The following CDK1 variants were observed in gnomAD, a reference collection of about 807,000 sequenced individuals.
The protein encoded by CDK1 is cyclin-dependent kinase 1.
In CDK1, 5 loss-of-function variants were observed where a neutral mutation model predicts 34.6. That is an observed-to-expected ratio of 0.14 (90% CI 0.08 to 0.30). CDK1 has a LOEUF of 0.30. Ranked by LOEUF, CDK1 falls within the 10% of genes least tolerant of loss-of-function variation. The pLI is 1.00. For synonymous variants in CDK1, 108 were observed against 114.7 expected (o/e 0.94, Z 0.37); for missense variants, 157 against 345.7 (o/e 0.45, Z 4.33).
chr10:60,778,355 C>T (rs904076090), upstream of CDK1: 2 of 152,348 alleles, frequency 1.3e-5, no homozygotes, highest in Non-Finnish European at 2.9e-5. Context: ...CTTTCTTTCG[C>T]GCTCTAGCCA....
chr10:60,788,660 GTTTT>G (rs1429650610), intron 5 of CDK1, among the ~76,000 whole-genome samples: 1 of 152,008 alleles, frequency 6.6e-6, no homozygotes, highest in Non-Finnish European at 1.5e-5. Flanking sequence ...TCAAAGACAG[GTTTT>G]GTTCCTTAAG....
chr10:60,784,632 G>C, intron 2 of CDK1, 73 bp from the exon 3 acceptor site: 1 of 1,308,588 alleles, frequency 7.6e-7, no homozygotes, highest in East Asian at 2.3e-5. Context: ...CCTGCCATAA[G>C]GAAAAAAAAA....
intron 5 of CDK1, among the ~76,000 whole-genome samples, chr10:60,789,979 A>G (rs1358445649): frequency 2.6e-5 from 4 of 152,014 alleles, no homozygotes; most frequent in Non-Finnish European, 5.9e-5. Context: ...TTTGATTTGC[A>G]TTTCCCTGAT....
chr10:60,792,413 T>C, intron 7 of CDK1, 124 bp downstream of exon 7: 2 of 800,536 alleles, frequency 2.5e-6, no homozygotes, highest in Non-Finnish European at 3.9e-6. Flanking sequence ...GTTATGTACA[T>C]TGTATTATAC....
Position 60,792,031 on chromosome 10 carries a change from G to T in CDK1, c.631G>T (p.Asp211Tyr). The T allele has an allele frequency of 6.2e-7, 1 of 1,610,862 alleles. No homozygotes were observed. The highest frequency in any genetic ancestry group is 1.1e-5 in the South Asian group (1 of 90,744). Residue 211 changes from aspartate (D) to tyrosine (Y), a missense_variant, in exon 6 of 8, where the codon GAT becomes TAT. Physicochemically the swap from Asp to Tyr is radical, Grantham distance 160. Around this residue, in one of 3 missense-constraint regions of CDK1, gnomAD observed 102 missense variants for 233.6 expected, o/e 0.44. Coordinates refer to ENST00000395284, the MANE Select transcript of CDK1 (RefSeq NM_001786.5). ...ACTTTTCCATGGGGATTCAGAAATT[G>T]ATCAACTCTTCAGGATTTTCAGGTA... ...KPLFHGDSEI[D>Y]QLFRIFRALG...
At chr10:60,787,152 C>G in intron 4 of CDK1, 1 of 686,870 alleles carries the variant, frequency 1.5e-6, no homozygotes, top group African/African-American at 2.0e-5. Context: ...TACAATGAAG[C>G]AGAAATGATG....
At chr10:60,783,927 G>C (rs998632683) in intron 2 of CDK1, among the ~76,000 whole-genome samples, 1 of 152,158 alleles carries the variant, frequency 6.6e-6, no homozygotes, top group African/African-American at 2.4e-5. Flanking sequence ...TTGAGAATGA[G>C]GACTGTTGAC....
At chr10:60,778,910 C>T (rs563178155) in intron 1 of CDK1, among the ~76,000 whole-genome samples, 1 of 152,182 alleles carries the variant, frequency 6.6e-6, no homozygotes, top group Non-Finnish European at 1.5e-5. Flanking sequence ...TCCGCTCCCC[C>T]ACGCTGAGCG....
chr10:60,785,910 C>A, intron 4 of CDK1, 123 bp downstream of exon 4: 1 of 1,310,124 alleles, frequency 7.6e-7, no homozygotes. Flanking sequence ...AAAAGTATTT[C>A]ATTTTTCTCC....
intron 7 of CDK1, 106 bp downstream of exon 7, chr10:60,792,395 A>G (rs373365852): frequency 3.9e-6 from 4 of 1,022,652 alleles, no homozygotes; most frequent in East Asian, 2.4e-5. Context: ...TTTTTGAGCT[A>G]GGTGTCTGTT....
At chr10:60,783,327 A>C (rs1289994641) in intron 2 of CDK1, among the ~76,000 whole-genome samples, 1 of 152,206 alleles carries the variant, frequency 6.6e-6, no homozygotes, top group Non-Finnish European at 1.5e-5. Flanking sequence ...TATAGTTTTA[A>C]AATGACACCA....
At chr10:60,779,150 T>A (rs548551514) in intron 1 of CDK1, among the ~76,000 whole-genome samples, 1 of 147,528 alleles carries the variant, frequency 6.8e-6, no homozygotes, top group South Asian at 2.2e-4. Flanking sequence ...CACTTAACTC[T>A]CATGAGCAGT....
chr10:60,784,937 C>T (rs2132066940), intron 3 of CDK1, 76 bp downstream of exon 3: 2 of 1,379,284 alleles, frequency 1.5e-6, no homozygotes, highest in East Asian at 2.3e-5. Context: ...GAAATCTTTA[C>T]ATTTGCTCAA....
At chr10:60,791,679 A>G (rs2080360926) in intron 5 of CDK1, among the ~76,000 whole-genome samples, 1 of 152,104 alleles carries the variant, frequency 6.6e-6, no homozygotes. Flanking sequence ...AAAAATATTT[A>G]TTATGCTTTT....
At chr10:60,791,710 A>T (rs1455516883) in intron 5 of CDK1, among the ~76,000 whole-genome samples, 180 bp from the exon 6 acceptor site, 1 of 152,200 alleles carries the variant, frequency 6.6e-6, no homozygotes, top group Non-Finnish European at 1.5e-5. Flanking sequence ...TCTTCTAATG[A>T]ATAGAACTTA....
intron 1 of CDK1, among the ~76,000 whole-genome samples, chr10:60,779,716 A>C (rs994200503): frequency 6.6e-6 from 1 of 152,236 alleles, no homozygotes; most frequent in Non-Finnish European, 1.5e-5. Context: ...ACTTTAAAAA[A>C]TAATGTTTTG....
chr10:60,792,302 C>G lies in CDK1; in HGVS notation c.795+13C>G, dbSNP rs935352372. Reference sequence around the variant, plus strand: ...GGATTTGCTCTCGGTAAGGAGTGCCCTTGATACTGACTTTCAAATTATTGA... The same window carrying G: ...GGATTTGCTCTCGGTAAGGAGTGCCGTTGATACTGACTTTCAAATTATTGA... On this transcript the variant is annotated intron_variant, in intron 7 of 7. Coordinates refer to ENST00000395284, the MANE Select transcript of CDK1 (RefSeq NM_001786.5). 7 of 1,582,142 alleles carry G rather than the reference C, an allele frequency of 4.4e-6. No homozygotes were observed. Among genetic ancestry groups the G allele is most frequent in the Non-Finnish European group, 6.0e-6 (7 of 1,169,486 alleles).
At chr10:60,784,513 C>T (rs2080299074) in intron 2 of CDK1, among the ~76,000 whole-genome samples, 192 bp from the exon 3 acceptor site, 1 of 151,968 alleles carries the variant, frequency 6.6e-6, no homozygotes, top group Non-Finnish European at 1.5e-5. Context: ...GCCTGTAGTC[C>T]CAGCTACTTG....
Position 60,785,528 on chromosome 10 carries a change from C to G in CDK1, c.195-136C>G, listed in dbSNP as rs563614599. 2.1e-5 allele frequency: 12 copies of G among 577,114 alleles called. No homozygotes were observed. In the East Asian group the frequency reaches 3.2e-4, roughly 16 times the overall value. 35.7% of individuals were successfully genotyped at this position (577,114 alleles called of 1,614,324 possible). A position where few individuals can be genotyped will look rare whatever the true frequency, so the allele number is the denominator to read the frequency against. ...CCTTTCTTAAATTTGAGTTTTGAGT[C>G]TCTTCCATTAGGGAAGCTACTACGT... On this transcript the variant is annotated intron_variant, in intron 3 of 7. Coordinates refer to ENST00000395284, the MANE Select transcript of CDK1 (RefSeq NM_001786.5).
Sources: allele counts gnomAD v4.1 joint callset (sites outside exome capture counted in the v4.1 genomes callset), GRCh38; gene constraint gnomAD v4.1.1; regional missense constraint gnomAD v4.1.1; transcripts MANE v1.5; gene names NCBI Gene and HGNC (gene_info 2026-07-23, HGNC 2026-07-21).